CHCHD3: variants seen among roughly 807,000 people sequenced by gnomAD.
CHCHD3 encodes the protein coiled-coil-helix-coiled-coil-helix domain containing 3, also known as MICOS complex subunit MIC19.
Under a neutral mutation model 38.2 loss-of-function variants are expected in CHCHD3, and 20 were observed. The observed-to-expected ratio is 0.52, with a 90% CI of 0.37 to 0.76. The LOEUF (loss-of-function observed/expected upper bound fraction) is 0.76, where lower values mean the gene tolerates loss of function less well. Ranked by LOEUF, CHCHD3 falls within the 30% of genes least tolerant of loss-of-function variation. The probability of loss-of-function intolerance (pLI) is 0.00; values close to 1 mark genes in which losing one functional copy is unlikely to be tolerated. For synonymous variants in CHCHD3, 82 were observed against 100.0 expected, an observed-to-expected ratio of 0.82 and a Z score of 1.07; for missense variants, 245 against 279.2, an observed-to-expected ratio of 0.88 and a Z score of 0.87.
chr7:133,015,815 T>C (rs189191445), intron 3 of CHCHD3, among the ~76,000 whole-genome samples: 1 of 152,322 alleles, frequency 6.6e-6, no homozygotes, highest in Non-Finnish European at 1.5e-5. Flanking sequence ...GGCGTTTAAT[T>C]AGCTCACGGT....
chr7:132,898,674 G>T (rs1435518705), intron 4 of CHCHD3, among the ~76,000 whole-genome samples: 1 of 152,266 alleles, frequency 6.6e-6, no homozygotes, highest in African/African-American at 2.4e-5. Context: ...TCGTCGAGGA[G>T]GCTCGGGCCG....
At chr7:133,054,018 T>C (rs1814241372) in intron 2 of CHCHD3, among the ~76,000 whole-genome samples, 1 of 152,232 alleles carries the variant, frequency 6.6e-6, no homozygotes, top group African/African-American at 2.4e-5. Context: ...GCTTCATTAG[T>C]GCACAAATGC....
intron 4 of CHCHD3, 104 bp from the exon 5 acceptor site, chr7:132,885,849 T>C: frequency 1.3e-6 from 1 of 757,340 alleles, no homozygotes; most frequent in Non-Finnish European, 2.0e-6. Context: ...AATCTGAAGA[T>C]TTTTGCAATC....
intron 4 of CHCHD3, among the ~76,000 whole-genome samples, chr7:132,972,094 G>T (rs1016962676): frequency 6.6e-6 from 1 of 152,154 alleles, no homozygotes; most frequent in African/African-American, 2.4e-5. Context: ...AAGGGAGAAA[G>T]AACTTTATAC....
At chr7:133,040,064 C>T (rs941274930) in intron 2 of CHCHD3, among the ~76,000 whole-genome samples, 1 of 152,116 alleles carries the variant, frequency 6.6e-6, no homozygotes, top group Non-Finnish European at 1.5e-5. Flanking sequence ...TATATTCGAC[C>T]CCACATATCT....
intron 4 of CHCHD3, among the ~76,000 whole-genome samples, chr7:132,925,506 T>C (rs7806045): frequency 0.23 from 35,753 of 152,198 alleles, 4,364 homozygotes; most frequent in Middle Eastern, 0.28. Flanking sequence ...AATTAAATGC[T>C]TTATTTACAC....
rs549018676 is a variant in CHCHD3 at position 132,810,322 on chromosome 7, T to C, written c.525-13745A>G. The stretch of plus-strand genomic sequence containing the variant: ...GTGTATAAGCACACTGAACTGCACG[T>C]ACCTCTGTGAAGCATCCACACGGTA... On this transcript the variant is annotated intron_variant, in intron 6 of 7. Transcript: ENST00000262570. Among the ~76,000 whole-genome samples, 8 of 152,382 alleles carry C rather than the reference T, an allele frequency of 5.2e-5. No individual in the cohort carries two copies. In the South Asian group the frequency reaches 1.7e-3, roughly 32 times the overall value.
rs147544227 is a variant in CHCHD3, at chr7:132,796,486, C to A, written c.616G>T (p.Ala206Ser). Residue 206 changes from alanine (A) to serine (S), a missense_variant, in exon 7 of 8, where the codon GCT (alanine) becomes TCT (serine). Transcript: ENST00000262570. ...ENTHQTLKCS[A>S]LATQYMHCVN... The stretch of plus-strand genomic sequence containing the variant: ...CAGTGCATATACTGGGTGGCCAGAG[C>A]GGAGCATTTGAGGGTCTGGTGGGTG... 5.0e-6 allele frequency: 8 copies of A among 1,613,726 alleles called. No homozygotes were observed. The highest frequency in any genetic ancestry group is 1.7e-5 in the Admixed American group (1 of 59,980).
chr7:132,849,006 C>G (rs1198820406), intron 5 of CHCHD3: 1 of 152,206 alleles, frequency 6.6e-6, no homozygotes, highest in South Asian at 2.1e-4. Context: ...ATCCAGTATT[C>G]TGTTTCTGAA....
intron 2 of CHCHD3, among the ~76,000 whole-genome samples, chr7:133,041,680 G>A (rs1032008810): frequency 1.3e-5 from 2 of 152,058 alleles, no homozygotes; most frequent in African/African-American, 4.8e-5. Flanking sequence ...AATTCACTAA[G>A]CAGAATGAAA....
intron 5 of CHCHD3, among the ~76,000 whole-genome samples, chr7:132,859,269 A>T (rs1808422772): frequency 6.6e-6 from 1 of 152,158 alleles, no homozygotes; most frequent in Admixed American, 6.5e-5. Flanking sequence ...ACTTAGTGTA[A>T]GGGGGATGAG....
At chr7:133,028,477 T>C (rs1450830731) in intron 2 of CHCHD3, among the ~76,000 whole-genome samples, 3 of 152,166 alleles carry the variant, frequency 2.0e-5, no homozygotes, top group Non-Finnish European at 2.9e-5. Flanking sequence ...ATTCCCACTG[T>C]GGCAGTATTG....
rs1808307360 is a variant in CHCHD3 at position 132,854,844 on chromosome 7, A to G, written c.454-16375T>C. 2.0e-5 allele frequency among the ~76,000 whole-genome samples: 3 copies of G among 152,180 alleles called. No homozygotes were observed. The South Asian group carries it at 6.2e-4, about 32-fold the overall frequency. ...CATTCATATTCAAAAGTCTCTGGAAAGAAGGGAGGCTCTGGAGATTCTTCC... is the reference window on the plus strand; with the variant it reads ...CATTCATATTCAAAAGTCTCTGGAAGGAAGGGAGGCTCTGGAGATTCTTCC... On this transcript the variant is annotated intron_variant, in intron 5 of 7. Coordinates refer to ENST00000262570, the MANE Select transcript of CHCHD3 (RefSeq NM_017812.4).
intron 2 of CHCHD3, among the ~76,000 whole-genome samples, chr7:133,025,287 C>G (rs756414126): frequency 6.6e-6 from 1 of 152,212 alleles, no homozygotes; most frequent in Non-Finnish European, 1.5e-5. Context: ...AATTAGAAGA[C>G]TGTGTGTGGT....
chr7:132,934,339 C>T (rs1324585330), intron 4 of CHCHD3, among the ~76,000 whole-genome samples: 1 of 152,146 alleles, frequency 6.6e-6, no homozygotes, highest in African/African-American at 2.4e-5. Context: ...AAAATCCTAT[C>T]GTGGTCCTGG....
At chr7:133,024,658 A>C in intron 2 of CHCHD3, 31 bp from the exon 3 acceptor site, 1 of 1,449,322 alleles carries the variant, frequency 6.9e-7, no homozygotes, top group Non-Finnish European at 9.7e-7. Flanking sequence ...AAGGAGATAA[A>C]ATAGGTGACT....
chr7:132,898,286 C>T (rs1809560536), intron 4 of CHCHD3, among the ~76,000 whole-genome samples: 3 of 152,160 alleles, frequency 2.0e-5, no homozygotes, highest in Admixed American at 1.3e-4. Flanking sequence ...TGGCCCCACC[C>T]ACATCCTGCT....
intron 2 of CHCHD3, among the ~76,000 whole-genome samples, chr7:133,069,520 G>A (rs995129184): frequency 9.9e-5 from 15 of 152,188 alleles, no homozygotes; most frequent in African/African-American, 3.4e-4. Flanking sequence ...ATCAAGAACA[G>A]TGCTGGACAC....
chr7:132,811,672 C>A (rs1807073243), intron 6 of CHCHD3, among the ~76,000 whole-genome samples: 1 of 152,208 alleles, frequency 6.6e-6, no homozygotes, highest in African/African-American at 2.4e-5. Context: ...TCTTATAGGA[C>A]CCGATCAGCA....
Sources: allele counts gnomAD v4.1 joint callset (sites outside exome capture counted in the v4.1 genomes callset), GRCh38; gene constraint gnomAD v4.1.1; transcripts MANE v1.5; gene names NCBI Gene and HGNC (gene_info 2026-07-23, HGNC 2026-07-21).